The following PSD2 variants were observed in gnomAD, a reference collection of about 807,000 sequenced individuals.
PSD2 encodes pleckstrin and Sec7 domain containing 2.
A neutral mutation model predicts 69.8 loss-of-function variants in PSD2; 38 were observed. That is an observed-to-expected ratio of 0.54 (90% CI 0.42 to 0.71). The LOEUF is 0.71. PSD2 is among the 30% of genes least tolerant of loss of function. The pLI, the probability that PSD2 is intolerant of heterozygous loss-of-function variation, is 0.00. For synonymous variants in PSD2, 412 were observed against 423.0 expected (o/e 0.97, Z 0.32); for missense variants, 943 against 1,014.5 (o/e 0.93, Z 0.96).
chr5:139,821,908 C>G lies in PSD2; in HGVS notation c.1113C>G (p.Ala371=). The part of the protein sequence containing the change: ...LDGALRTFLK[A]FPLMGETQER... ...TGCCTTCCAGAACATTCTTGAAGGC[C>G]TTCCCGCTGATGGGGGAGACACAAG... The change falls in exon 6 of 15, where the codon GCC becomes GCG. Residue 371 remains alanine, a synonymous_variant. Transcript: ENST00000274710. The G allele has an allele frequency of 6.2e-7, 1 of 1,607,480 alleles. No individual in the cohort carries two copies. The highest frequency in any genetic ancestry group is 8.5e-7 in the Non-Finnish European group (1 of 1,176,318).
chr5:139,816,122 G>T (rs1373684976), intron 4 of PSD2, among the ~76,000 whole-genome samples: 1 of 151,260 alleles, frequency 6.6e-6, no homozygotes, highest in Non-Finnish European at 1.5e-5. Flanking sequence ...TTTCATCTAT[G>T]ACCCACAGCC....
chr5:139,805,430 G>A (rs1759780551), intron 1 of PSD2, among the ~76,000 whole-genome samples: 1 of 152,170 alleles, frequency 6.6e-6, no homozygotes. Flanking sequence ...TACTTCTAAA[G>A]GCCTGCTGTG....
At chr5:139,765,919 G>A in the PSD2 span, among the ~76,000 whole-genome samples, 434 of 152,134 alleles carry the variant, frequency 2.9e-3, no homozygotes, top group Non-Finnish European at 4.5e-3. Flanking sequence ...CCGATGAGAG[G>A]ACGCCGCTCT....
At chr5:139,838,531 T>A (rs1760793712) in intron 12 of PSD2, 97 bp from the exon 13 acceptor site, 1 of 1,384,234 alleles carries the variant, frequency 7.2e-7, no homozygotes, top group Non-Finnish European at 1.0e-6. Context: ...TACTGGTGCC[T>A]TCTCAGTGCC....
At chr5:139,767,867 C>G in the PSD2 span, among the ~76,000 whole-genome samples, 1 of 152,262 alleles carries the variant, frequency 6.6e-6, no homozygotes, top group Non-Finnish European at 1.5e-5. Flanking sequence ...CTCAGAGGCT[C>G]TCAGTGATGA....
chr5:139,822,056 C>A, intron 6 of PSD2, 51 bp downstream of exon 6: 2 of 1,206,096 alleles, frequency 1.7e-6, no homozygotes, highest in Non-Finnish European at 2.4e-6. Flanking sequence ...CTCAGCCAGG[C>A]CCTGGTCCCC....
At chr5:139,822,905 G>C in intron 7 of PSD2, 121 bp downstream of exon 7, 1 of 803,846 alleles carries the variant, frequency 1.2e-6, no homozygotes, top group Non-Finnish European at 1.8e-6. Flanking sequence ...AGCGGTGGGG[G>C]TTGGGCAGCT....
chr5:139,771,266 G>A, the PSD2 span, among the ~76,000 whole-genome samples: 1 of 152,260 alleles, frequency 6.6e-6, no homozygotes, highest in Admixed American at 6.5e-5. Context: ...CTGGGGACCC[G>A]GGGCTGCCCC....
upstream of PSD2, among the ~76,000 whole-genome samples, chr5:139,792,918 C>T (rs533797341): frequency 2.3e-5 from 3 of 129,938 alleles, no homozygotes; most frequent in East Asian, 2.3e-4. Context: ...TTCTTTCTTT[C>T]TTTTTTCTTT....
intron 1 of PSD2, among the ~76,000 whole-genome samples, chr5:139,798,371 C>T (rs1167457740): frequency 2.0e-5 from 3 of 152,192 alleles, no homozygotes; most frequent in South Asian, 2.1e-4. Context: ...GCCACTCCAG[C>T]GCTGTGCCTG....
rs146400655 is a variant in PSD2 at position 139,813,749 on chromosome 5, A to C, written c.812A>C (p.Asn271Thr). Residue 271 changes from asparagine to threonine, a missense_variant, in exon 3 of 15, where the codon AAC becomes ACC. Transcript: ENST00000274710. ...GAGGAGGACACGGACAAGTTGCTGA[A>C]CTCAGCCAGGTGAGGCAGGGCCCAG... ...DDEEDTDKLL[N>T]SASDPSLKDG... 416 of 1,602,430 alleles carry C rather than the reference A, an allele frequency of 2.6e-4. 1 individual carries two copies. The highest frequency in any genetic ancestry group is 4.0e-4 in the Admixed American group (24 of 59,464).
intron 7 of PSD2, among the ~76,000 whole-genome samples, chr5:139,824,383 G>A (rs999128250): frequency 2.0e-5 from 3 of 149,616 alleles, no homozygotes; most frequent in Non-Finnish European, 3.0e-5. Context: ...TGAGGCTTTC[G>A]TCTCTCTCTT....
At chr5:139,811,892 C>T (rs559147128) in intron 2 of PSD2, among the ~76,000 whole-genome samples, 5 of 152,154 alleles carry the variant, frequency 3.3e-5, no homozygotes, top group African/African-American at 9.6e-5. Flanking sequence ...CGCGCCTGGC[C>T]GTCTGTCTAG....
chr5:139,753,011 C>A, the PSD2 span, among the ~76,000 whole-genome samples: 1 of 152,110 alleles, frequency 6.6e-6, no homozygotes. Flanking sequence ...TCCTTGCCAC[C>A]AGCTCCTGTC....
the PSD2 span, among the ~76,000 whole-genome samples, chr5:139,751,665 G>A: frequency 1.6e-4 from 25 of 152,202 alleles, no homozygotes; most frequent in Admixed American, 1.2e-3. Flanking sequence ...GCCTGTGAGC[G>A]TTCTGTGAGA....
At chr5:139,781,185 G>A in the PSD2 span, among the ~76,000 whole-genome samples, 1 of 152,144 alleles carries the variant, frequency 6.6e-6, no homozygotes, top group South Asian at 2.1e-4. Context: ...GGCCAAGGGT[G>A]GAGCCTCTAG....
At chr5:139,832,600 T>G (rs1760622624) in intron 7 of PSD2, among the ~76,000 whole-genome samples, 1 of 152,222 alleles carries the variant, frequency 6.6e-6, no homozygotes, top group African/African-American at 2.4e-5. Flanking sequence ...CTCTGAAACA[T>G]GTAAATAAAG....
the PSD2 span, among the ~76,000 whole-genome samples, chr5:139,742,963 A>G: frequency 2.0e-5 from 3 of 152,198 alleles, no homozygotes; most frequent in African/African-American, 7.2e-5. Flanking sequence ...AGTTTAGGAA[A>G]AAAGGTATGT....
the PSD2 span, among the ~76,000 whole-genome samples, chr5:139,779,999 C>T: frequency 6.6e-6 from 1 of 152,162 alleles, no homozygotes; most frequent in Non-Finnish European, 1.5e-5. Flanking sequence ...GTTGTACAAT[C>T]TTTGTGTGAA....
Sources: gnomAD v4.1 joint callset for allele counts (sites outside exome capture counted in the v4.1 genomes callset) on GRCh38, gnomAD v4.1.1 for gene constraint, MANE v1.5 for transcripts, NCBI Gene and HGNC (gene_info 2026-07-23, HGNC 2026-07-21) for gene names.